FHIT: variants seen among roughly 807,000 people sequenced by gnomAD.
FHIT encodes the protein bis(5'-adenosyl)-triphosphatase.
A neutral mutation model predicts 17.9 loss-of-function variants in FHIT; 19 were observed. The observed-to-expected ratio is 1.06, with a 90% confidence interval of 0.74 to 1.56. The LOEUF is 1.56. Among genes scored for constraint, FHIT ranks in the 40% most tolerant of loss-of-function variants. The pLI, the probability that FHIT is intolerant of heterozygous loss-of-function variation, is 0.00. For synonymous variants in FHIT, 81 were observed against 69.7 expected (o/e 1.16, Z -0.81); for missense variants, 248 against 189.2 (o/e 1.31, Z -1.82).
chr3:61,236,754 G>A (rs1379449880), intron 1 of FHIT, among the ~76,000 whole-genome samples: 1 of 152,150 alleles, frequency 6.6e-6, no homozygotes, highest in African/African-American at 2.4e-5. Context: ...AAGCAGGAAG[G>A]GAAAGCTGAC....
chr3:60,567,155 A>C (rs1418403937), intron 4 of FHIT, among the ~76,000 whole-genome samples: 2 of 152,138 alleles, frequency 1.3e-5, no homozygotes, highest in Non-Finnish European at 2.9e-5. Context: ...CTGCCAAGTC[A>C]ATCCTAAGCC....
At chr3:60,451,172 C>G (rs1180535842) in intron 5 of FHIT, among the ~76,000 whole-genome samples, 2 of 151,736 alleles carry the variant, frequency 1.3e-5, no homozygotes, top group Non-Finnish European at 2.9e-5. Context: ...TTTTTTTTAA[C>G]CATTTTATCA....
chr3:59,875,411 G>A (rs1319638616), intron 8 of FHIT, among the ~76,000 whole-genome samples: 2 of 152,204 alleles, frequency 1.3e-5, no homozygotes, highest in Non-Finnish European at 2.9e-5. Flanking sequence ...AGAAGTGTGG[G>A]CGAAGCCATC....
intron 8 of FHIT, among the ~76,000 whole-genome samples, chr3:59,894,986 G>A (rs1246165111): frequency 6.6e-6 from 1 of 152,206 alleles, no homozygotes; most frequent in Non-Finnish European, 1.5e-5. Flanking sequence ...CAGACATCAG[G>A]GGCTGGAATT....
intron 3 of FHIT, among the ~76,000 whole-genome samples, chr3:60,978,085 T>A (rs1710340082): frequency 6.6e-6 from 1 of 152,054 alleles, no homozygotes; most frequent in Admixed American, 6.5e-5. Context: ...AGAGAAAAAA[T>A]ACACCTGACT....
intron 8 of FHIT, among the ~76,000 whole-genome samples, chr3:59,797,796 G>A (rs550934362): frequency 5.0e-4 from 76 of 152,228 alleles, no homozygotes; most frequent in Non-Finnish European, 8.8e-4. Context: ...GATTTTTTCC[G>A]TGAAATTAAT....
chr3:60,121,827 C>A (rs2107223461), intron 5 of FHIT, among the ~76,000 whole-genome samples: 1 of 152,196 alleles, frequency 6.6e-6, no homozygotes, highest in African/African-American at 2.4e-5. Context: ...GTGATCCTAT[C>A]AGTCATATCC....
chr3:61,159,842 C>A (rs2037636717), intron 2 of FHIT, among the ~76,000 whole-genome samples: 1 of 152,158 alleles, frequency 6.6e-6, no homozygotes, highest in African/African-American at 2.4e-5. Context: ...TTTCTTAAGT[C>A]AGGCTCTTTG....
At chr3:61,178,258 T>C (rs1414628920) in intron 2 of FHIT, among the ~76,000 whole-genome samples, 1 of 152,050 alleles carries the variant, frequency 6.6e-6, no homozygotes, top group African/African-American at 2.4e-5. Context: ...ACAACCTTGA[T>C]GAGAGGTGCT....
chr3:60,662,888 C>A (rs1164441500), intron 4 of FHIT, among the ~76,000 whole-genome samples: 11 of 151,486 alleles, frequency 7.3e-5, no homozygotes, highest in African/African-American at 2.7e-4. Context: ...TTCTATGATC[C>A]ACTTTGAGTT....
At chr3:60,035,667 T>C (rs2106806761) in intron 5 of FHIT, among the ~76,000 whole-genome samples, 1 of 152,326 alleles carries the variant, frequency 6.6e-6, no homozygotes, top group East Asian at 1.9e-4. Context: ...GATTATTCTA[T>C]TTTCACCATT....
intron 4 of FHIT, among the ~76,000 whole-genome samples, chr3:60,788,240 ATGAT>A (rs1172054400): frequency 6.6e-6 from 1 of 152,142 alleles, no homozygotes; most frequent in Non-Finnish European, 1.5e-5. Context: ...GCAGTGCACT[ATGAT>A]TGCACCACTG....
At position 59,787,539 on chromosome 3, in the gene FHIT, T is replaced by C. The variant is rs138781020; in HGVS notation, c.349-35218A>G. On this transcript the variant is annotated intron_variant, in intron 8 of 9. Transcript: ENST00000492590. ...ACACACACACACACACGTCAAAGGC[T>C]TCTCCCTCTTTATGAAAAGTAAAAT... Among the ~76,000 whole-genome samples the C allele has an allele frequency of 1.7e-3, 255 of 147,646 alleles. 1 individual carries two copies. The highest frequency in any genetic ancestry group is 6.2e-3 in the African/African-American group (245 of 39,506).
At chr3:60,363,032 T>A (rs991832556) in intron 5 of FHIT, among the ~76,000 whole-genome samples, 7 of 152,182 alleles carry the variant, frequency 4.6e-5, no homozygotes, top group African/African-American at 1.7e-4. Flanking sequence ...TAAGTTCAAA[T>A]GTGGATGTTC....
intron 2 of FHIT, among the ~76,000 whole-genome samples, chr3:61,123,874 C>CT (rs2036533758): frequency 1.3e-5 from 2 of 152,064 alleles, no homozygotes; most frequent in East Asian, 3.9e-4. Context: ...ATAATCAGCT[C>CT]TTACAAATAC....
intron 2 of FHIT, among the ~76,000 whole-genome samples, chr3:61,142,288 G>A (rs1274099015): frequency 6.6e-6 from 1 of 151,454 alleles, no homozygotes; most frequent in Non-Finnish European, 1.5e-5. Flanking sequence ...AGTCTGCTGA[G>A]TCAAAAGTAA....
chr3:60,093,344 C>A (rs1350919322), intron 5 of FHIT, among the ~76,000 whole-genome samples: 1 of 152,158 alleles, frequency 6.6e-6, no homozygotes, highest in Non-Finnish European at 1.5e-5. Flanking sequence ...AACCATCTCA[C>A]ATCACATCAC....
chr3:60,354,096 T>C (rs1325153780), intron 5 of FHIT, among the ~76,000 whole-genome samples: 1 of 152,140 alleles, frequency 6.6e-6, no homozygotes, highest in Non-Finnish European at 1.5e-5. Flanking sequence ...AAATGGTATG[T>C]GATACAATAG....
chr3:60,690,749 C>T (rs2040968521), intron 4 of FHIT: 1 of 386,746 alleles, frequency 2.6e-6, no homozygotes. Context: ...CCAGTGGCAG[C>T]ACCATCTGTG....
Sources: allele counts gnomAD v4.1 joint callset (sites outside exome capture counted in the v4.1 genomes callset), GRCh38; gene constraint gnomAD v4.1.1; transcripts MANE v1.5; gene names NCBI Gene and HGNC (gene_info 2026-07-23, HGNC 2026-07-21).